The following SLC24A3 variants were observed in gnomAD, a reference collection of about 807,000 sequenced individuals.
SLC24A3 encodes the protein sodium/potassium/calcium exchanger 3.
SLC24A3 carries 28 observed loss-of-function variants against 75.8 expected under a neutral mutation model. The observed-to-expected ratio is 0.37, with a 90% CI of 0.27 to 0.51. The LOEUF is 0.51. SLC24A3 is among the 20% of genes least tolerant of loss of function. SLC24A3 has a pLI of 0.94. For synonymous variants in SLC24A3, 372 were observed against 334.1 expected (o/e 1.11, Z -1.24); for missense variants, 663 against 847.8 (o/e 0.78, Z 2.71).
intron 2 of SLC24A3, among the ~76,000 whole-genome samples, chr20:19,454,297 G>A (rs1200633504): frequency 6.6e-6 from 1 of 152,136 alleles, no homozygotes; most frequent in African/African-American, 2.4e-5. Flanking sequence ...ATCCATAATA[G>A]ATTTAAGGTT....
At chr20:19,620,351 C>T (rs1037491591) in intron 6 of SLC24A3, among the ~76,000 whole-genome samples, 4 of 152,114 alleles carry the variant, frequency 2.6e-5, no homozygotes, top group Non-Finnish European at 5.9e-5. Context: ...GAAGAGATAA[C>T]GATTGTATTC....
intron 3 of SLC24A3, among the ~76,000 whole-genome samples, chr20:19,525,834 C>T (rs1031333008): frequency 6.6e-5 from 10 of 152,176 alleles, no homozygotes; most frequent in Admixed American, 1.3e-4. Context: ...CTGCAGACTC[C>T]CCGTGAGTCT....
At chr20:19,379,030 G>T (rs1453910109) in intron 2 of SLC24A3, among the ~76,000 whole-genome samples, 1 of 152,056 alleles carries the variant, frequency 6.6e-6, no homozygotes, top group African/African-American at 2.4e-5. Context: ...ATGACTCCAG[G>T]TTACAGTGGC....
intron 2 of SLC24A3, among the ~76,000 whole-genome samples, chr20:19,311,656 A>T (rs558743443): frequency 6.6e-6 from 1 of 152,234 alleles, no homozygotes; most frequent in South Asian, 2.1e-4. Context: ...AAAGGAAAAC[A>T]GTTAGATCAG....
Position 19,616,193 on chromosome 20 carries a change from T to C in SLC24A3, c.612+30649T>C, listed in dbSNP as rs1221122636. On this transcript the variant is annotated intron_variant, in intron 6 of 16. Coordinates refer to ENST00000328041, the MANE Select transcript of SLC24A3 (RefSeq NM_020689.4). ...CTGGAACCAAACTGCCAGGAATGTA[T>C]ACCACTGCCTCTGTGTCAGTGGATG... Among the ~76,000 whole-genome samples, 6 of 152,198 alleles carry C rather than the reference T, an allele frequency of 3.9e-5. No individual in the cohort carries two copies. In the East Asian group the frequency reaches 1.2e-3, roughly 29 times the overall value.
At chr20:19,327,504 G>A (rs1374015034) in intron 2 of SLC24A3, among the ~76,000 whole-genome samples, 1 of 152,208 alleles carries the variant, frequency 6.6e-6, no homozygotes, top group Admixed American at 6.5e-5. Context: ...CTCAGCATGA[G>A]ACTTCACACA....
rs1012959154 is a variant in SLC24A3 at position 19,252,641 on chromosome 20, GGC to G, written c.143-28316_143-28315del. ...AAAACAAAAAGCCTGAAATTGGAAT[GGC>G]GGGGGGGGGTGCCTGTTCCAGAAAC... is the stretch of plus-strand genomic sequence containing the variant. On this transcript the variant is annotated intron_variant, in intron 1 of 16. Transcript: ENST00000328041. Among the ~76,000 whole-genome samples, 295 of 121,928 alleles carry G rather than the reference GGC, an allele frequency of 2.4e-3. 13 individuals carry two copies. The South Asian group carries it at 0.066, about 27-fold the overall frequency. 80.0% of individuals were successfully genotyped at this position (121,928 alleles called of 152,430 possible). A position where few individuals can be genotyped will look rare whatever the true frequency, so the allele number is the denominator to read the frequency against.
chr20:19,647,642 G>A (rs1318542708), intron 6 of SLC24A3, among the ~76,000 whole-genome samples: 1 of 152,192 alleles, frequency 6.6e-6, no homozygotes, highest in Non-Finnish European at 1.5e-5. Context: ...AAATTTTGAA[G>A]GCCTAGCAGG....
intron 2 of SLC24A3, among the ~76,000 whole-genome samples, chr20:19,423,378 C>T (rs148500728): frequency 6.6e-6 from 1 of 152,106 alleles, no homozygotes; most frequent in Admixed American, 6.5e-5. Flanking sequence ...GGCCTTTGCT[C>T]GGTCTGAAAA....
At chr20:19,325,594 A>C (rs1452384162) in intron 2 of SLC24A3, among the ~76,000 whole-genome samples, 1 of 151,762 alleles carries the variant, frequency 6.6e-6, no homozygotes, top group Non-Finnish European at 1.5e-5. Flanking sequence ...GAGAGGAGGC[A>C]GCTACCAGGG....
chr20:19,291,502 T>G (rs1027528721), intron 2 of SLC24A3, among the ~76,000 whole-genome samples: 4 of 152,352 alleles, frequency 2.6e-5, no homozygotes, highest in African/African-American at 9.6e-5. Flanking sequence ...TATGTTCACA[T>G]TCCACCTTGG....
intron 2 of SLC24A3, among the ~76,000 whole-genome samples, chr20:19,510,183 G>A (rs1235131706): frequency 6.6e-6 from 1 of 152,152 alleles, no homozygotes; most frequent in Non-Finnish European, 1.5e-5. Flanking sequence ...GGGTCATCTG[G>A]CAACAAATGC....
intron 1 of SLC24A3, among the ~76,000 whole-genome samples, chr20:19,234,941 C>T (rs1982120959): frequency 6.6e-6 from 1 of 152,220 alleles, no homozygotes; most frequent in Admixed American, 6.5e-5. Context: ...TGTCACTGGC[C>T]TGGAATACGG....
At chr20:19,575,396 T>C (rs2031119284) in intron 3 of SLC24A3, among the ~76,000 whole-genome samples, 1 of 151,502 alleles carries the variant, frequency 6.6e-6, no homozygotes, top group Admixed American at 6.6e-5. Context: ...CTGCCCTCAA[T>C]AGAAGGGAGG....
At chr20:19,381,565 G>T (rs1488326432) in intron 2 of SLC24A3, among the ~76,000 whole-genome samples, 1 of 152,176 alleles carries the variant, frequency 6.6e-6, no homozygotes, top group Non-Finnish European at 1.5e-5. Context: ...TCCACTGTGT[G>T]CCCAGAGCTT....
chr20:19,699,477 G>A (rs989214376), intron 15 of SLC24A3, among the ~76,000 whole-genome samples: 2 of 152,238 alleles, frequency 1.3e-5, no homozygotes, highest in Non-Finnish European at 2.9e-5. Context: ...GGTAGTAACA[G>A]ATGGTAAGAT....
chr20:19,660,328 ACG>A (rs1393492328), intron 7 of SLC24A3, among the ~76,000 whole-genome samples: 5 of 146,882 alleles, frequency 3.4e-5, no homozygotes, highest in Non-Finnish European at 6.0e-5. Flanking sequence ...CCATGCCACC[ACG>A]CTGTATGCCT....
intron 2 of SLC24A3, among the ~76,000 whole-genome samples, chr20:19,479,153 A>C (rs1004324502): frequency 3.9e-5 from 6 of 152,228 alleles, no homozygotes; most frequent in African/African-American, 1.4e-4. Context: ...AGAGAGTCAT[A>C]GAGTACCAGT....
intron 8 of SLC24A3, among the ~76,000 whole-genome samples, chr20:19,668,312 TTCTTCTA>T (rs2032424599): frequency 1.3e-5 from 2 of 152,250 alleles, no homozygotes; most frequent in African/African-American, 4.8e-5. Flanking sequence ...TACTGTTCAC[TTCTTCTA>T]TCTTCTTACC....
Sources: allele counts gnomAD v4.1 joint callset (sites outside exome capture counted in the v4.1 genomes callset), GRCh38; gene constraint gnomAD v4.1.1; transcripts MANE v1.5; gene names NCBI Gene and HGNC (gene_info 2026-07-23, HGNC 2026-07-21).